The following ZBTB7C variants were observed in gnomAD, a reference collection of about 807,000 sequenced individuals.
The protein encoded by ZBTB7C is zinc finger and BTB domain containing 7C, also known as zinc finger and BTB domain-containing protein 7C.
In ZBTB7C, 8 loss-of-function variants were observed where a neutral mutation model predicts 25.7. That is an observed-to-expected ratio of 0.31 (90% CI 0.18 to 0.56). ZBTB7C has a LOEUF of 0.56. Ranked by LOEUF, ZBTB7C falls within the 20% of genes least tolerant of loss-of-function variation. ZBTB7C has a pLI of 0.91. For missense variants in ZBTB7C, 824 were observed against 855.2 expected (o/e 0.96, Z 0.46); for synonymous variants, 394 against 369.0 (o/e 1.07, Z -0.78).
chr18:48,035,522 T>A (rs991676304), intron 4 of ZBTB7C, among the ~76,000 whole-genome samples: 2 of 152,040 alleles, frequency 1.3e-5, no homozygotes, highest in African/African-American at 4.8e-5. Context: ...CAAGGACCCA[T>A]GTGGTGGGAA....
intron 3 of ZBTB7C, among the ~76,000 whole-genome samples, chr18:48,067,237 T>C (rs2037365988): frequency 6.6e-6 from 1 of 152,178 alleles, no homozygotes; most frequent in South Asian, 2.1e-4. Context: ...AGGAGCTGGA[T>C]TTTACCTTGA....
chr18:48,041,634 G>A (rs1003835771), intron 3 of ZBTB7C: 11 of 816,658 alleles, frequency 1.3e-5, no homozygotes, highest in Admixed American at 6.2e-5. Context: ...AACAAATTTC[G>A]TGGCCCATTT....
intron 2 of ZBTB7C, among the ~76,000 whole-genome samples, chr18:48,226,716 A>G (rs2043105379): frequency 6.6e-6 from 1 of 152,220 alleles, no homozygotes; most frequent in South Asian, 2.1e-4. Context: ...TTTGAGCATC[A>G]TACTGTTAGG....
At chr18:48,299,759 G>A (rs2045497266) in intron 2 of ZBTB7C, among the ~76,000 whole-genome samples, 1 of 152,246 alleles carries the variant, frequency 6.6e-6, no homozygotes, top group Non-Finnish European at 1.5e-5. Flanking sequence ...AAGGCCCTGT[G>A]GGGAGAGAGA....
intron 3 of ZBTB7C, among the ~76,000 whole-genome samples, chr18:48,183,364 C>A (rs913531301): frequency 1.3e-5 from 2 of 152,172 alleles, no homozygotes; most frequent in Admixed American, 1.3e-4. Flanking sequence ...AGGACAGGAG[C>A]CTGCTTGAGG....
intron 1 of ZBTB7C, among the ~76,000 whole-genome samples, chr18:48,339,985 G>C (rs1418425973): frequency 1.3e-5 from 2 of 152,216 alleles, no homozygotes; most frequent in African/African-American, 4.8e-5. Context: ...ACAGAGGTTA[G>C]AAGCCCCTTC....
intron 3 of ZBTB7C, among the ~76,000 whole-genome samples, chr18:48,093,252 C>T (rs994945445): frequency 5.9e-5 from 9 of 152,182 alleles, no homozygotes; most frequent in East Asian, 1.9e-4. Context: ...GGAAGATACC[C>T]GGTTTCTCCC....
chr18:48,192,758 A>G (rs1476068034), intron 2 of ZBTB7C, among the ~76,000 whole-genome samples: 1 of 152,236 alleles, frequency 6.6e-6, no homozygotes, highest in Non-Finnish European at 1.5e-5. Flanking sequence ...CACTGAACCC[A>G]GTGGATGATG....
chr18:48,117,681 G>A (rs1387300739), intron 3 of ZBTB7C, among the ~76,000 whole-genome samples: 1 of 152,152 alleles, frequency 6.6e-6, no homozygotes, highest in East Asian at 1.9e-4. Context: ...TCTTTTTACT[G>A]TACAACAAAA....
chr18:48,064,375 T>C (rs941111916), intron 3 of ZBTB7C, among the ~76,000 whole-genome samples: 1 of 152,212 alleles, frequency 6.6e-6, no homozygotes, highest in Admixed American at 6.5e-5. Flanking sequence ...CAATGACTCG[T>C]CTTCTTGGAA....
rs772501944 is a variant in ZBTB7C, at chr18:48,040,687, C to T, written c.421G>A (p.Asp141Asn). ...TCATCATCTTCGTCGTCGTCATCGT[C>T]CTCCTTGTCATCCTCCTCCCCCCCG... ...GDGGEEDDKE[D>N]DDDDEDDDDE... The change falls in exon 4 of 5, where the codon GAC becomes AAC. Residue 141 changes from aspartate to asparagine, a missense_variant. This residue lies in a region of ZBTB7C where 316 missense variants were observed against 299.2 expected (regional missense o/e 1.06). Coordinates refer to ENST00000590800, the MANE Select transcript of ZBTB7C (RefSeq NM_001318841.2). The T allele has an allele frequency of 6.2e-7, 1 of 1,613,920 alleles. No homozygotes were observed. Among genetic ancestry groups the T allele is most frequent in the South Asian group, 1.1e-5 (1 of 91,048 alleles).
Position 48,299,052 on chromosome 18 carries a change from C to T in ZBTB7C, c.-79+39122G>A, listed in dbSNP as rs1047022300. On this transcript the variant is annotated intron_variant, in intron 2 of 4. Coordinates refer to ENST00000590800, the MANE Select transcript of ZBTB7C (RefSeq NM_001318841.2). The stretch of plus-strand genomic sequence containing the variant: ...CCAGTCCTGTCCTACCTCAAAGAGG[C>T]ACCCACAGAGGTCCCAACCCTGATG... Among the ~76,000 whole-genome samples, 7 of 152,176 alleles carry T rather than the reference C, an allele frequency of 4.6e-5. No individual in the cohort carries two copies. In the East Asian group the frequency reaches 1.4e-3, roughly 29 times the overall value.
chr18:48,095,505 G>A (rs1598869092), intron 3 of ZBTB7C, among the ~76,000 whole-genome samples: 1 of 151,950 alleles, frequency 6.6e-6, no homozygotes, highest in African/African-American at 2.4e-5. Context: ...TGAAGTCAGG[G>A]GTTCGAGACC....
chr18:48,243,308 A>G (rs1259819914), intron 2 of ZBTB7C, among the ~76,000 whole-genome samples: 1 of 151,106 alleles, frequency 6.6e-6, no homozygotes. Flanking sequence ...GCTCTGATAA[A>G]TGATTTCAGT....
intron 2 of ZBTB7C, among the ~76,000 whole-genome samples, chr18:48,302,027 A>G (rs1285047236): frequency 1.3e-5 from 2 of 151,802 alleles, no homozygotes; most frequent in Non-Finnish European, 2.9e-5. Context: ...CCCGGCTTTT[A>G]GGAAAGCCCA....
At chr18:48,258,293 C>T (rs914976163) in intron 2 of ZBTB7C, among the ~76,000 whole-genome samples, 2 of 152,144 alleles carry the variant, frequency 1.3e-5, no homozygotes, top group African/African-American at 4.8e-5. Context: ...TACTTTTATT[C>T]ACAGACACCA....
At chr18:48,199,685 C>T (rs1022999628) in intron 2 of ZBTB7C, among the ~76,000 whole-genome samples, 32 of 152,014 alleles carry the variant, frequency 2.1e-4, no homozygotes, top group Admixed American at 1.9e-3. Flanking sequence ...CCTCCTCCTC[C>T]CCTCTCTTTC....
At chr18:48,296,958 C>G (rs2045412035) in intron 2 of ZBTB7C, among the ~76,000 whole-genome samples, 1 of 152,178 alleles carries the variant, frequency 6.6e-6, no homozygotes. Context: ...CAAAAATTAG[C>G]CGGGTATGGT....
intron 3 of ZBTB7C, among the ~76,000 whole-genome samples, chr18:48,053,403 A>G (rs1384378337): frequency 2.0e-5 from 3 of 152,226 alleles, no homozygotes; most frequent in Admixed American, 1.3e-4. Flanking sequence ...GGAAGGACCA[A>G]TTCTGAGATT....
Sources: gnomAD v4.1 joint callset for allele counts (sites outside exome capture counted in the v4.1 genomes callset) on GRCh38, gnomAD v4.1.1 for gene constraint, gnomAD v4.1.1 regional missense constraint, MANE v1.5 for transcripts, NCBI Gene and HGNC (gene_info 2026-07-23, HGNC 2026-07-21) for gene names.